TICRR: variants seen among roughly 807,000 people sequenced by gnomAD.
The protein encoded by TICRR is treslin.
In TICRR, 132 loss-of-function variants were observed where a neutral mutation model predicts 178.1. The ratio of observed to expected loss-of-function variants is 0.74; its 90% confidence interval spans 0.64 to 0.86. The LOEUF is 0.86. Among genes scored for constraint, TICRR ranks in the 40% least tolerant of loss-of-function variants. The pLI is 0.00. For synonymous variants in TICRR, 991 were observed against 900.7 expected (o/e 1.10, Z -1.79); for missense variants, 2,587 against 2,334.3 (o/e 1.11, Z -2.23).
chr15:89,582,376 C>A, intron 1 of TICRR: 1 of 239,266 alleles, frequency 4.2e-6, no homozygotes. Flanking sequence ...TTCTATGTTC[C>A]TTCTAACATT....
chr15:89,625,347 A>T lies in TICRR; in HGVS notation c.5037A>T (p.Pro1679=), dbSNP rs756401574. The T allele has an allele frequency of 1.2e-5, 19 of 1,614,008 alleles. No homozygotes were observed. The highest frequency in any genetic ancestry group is 3.3e-4 in the Middle Eastern group (2 of 6,062). The change falls in exon 20 of 22, where the codon CCA becomes CCT. Residue 1679 remains proline, a synonymous_variant. Coordinates refer to ENST00000268138, the MANE Select transcript of TICRR (RefSeq NM_152259.4). ...PSPKHSGKTT[P]DIIKDWPRRK... is the part of the protein sequence containing the mutation. ...CCAAGCACAGTGGGAAGACAACTCC[A>T]GACATAATTAAAGACTGGCCCAGGA...
intron 4 of TICRR, among the ~76,000 whole-genome samples, chr15:89,587,434 G>C (rs967022958): frequency 6.6e-6 from 1 of 152,158 alleles, no homozygotes; most frequent in Non-Finnish European, 1.5e-5. Context: ...CACCATGGGG[G>C]TGGGCGTAGA....
chr15:89,604,394 A>G (rs1963143697), intron 13 of TICRR, among the ~76,000 whole-genome samples: 2 of 152,226 alleles, frequency 1.3e-5, no homozygotes, highest in Non-Finnish European at 2.9e-5. Flanking sequence ...CTTTATTCTC[A>G]CTAGATTTTA....
chr15:89,585,106 A>G (rs1962797426), intron 3 of TICRR, among the ~76,000 whole-genome samples: 1 of 152,218 alleles, frequency 6.6e-6, no homozygotes, highest in African/African-American at 2.4e-5. Flanking sequence ...TCATACTCTC[A>G]GGAGGGGTCT....
In TICRR at chr15:89,592,078, G is replaced by T; in HGVS notation, c.1443G>T (p.Glu481Asp). Reference sequence around the variant, plus strand: ...CTGTTCCAGAGTGGGCCCAGCAGGAGCTTGGCCACACCACTCCCTGGAGTC... The same window carrying T: ...CTGTTCCAGAGTGGGCCCAGCAGGATCTTGGCCACACCACTCCCTGGAGTC... ...ASPVPEWAQQ[E>D]LGHTTPWSPA... The change falls in exon 5 of 22, where the codon GAG (glutamate) becomes GAT (aspartate). Residue 481 changes from glutamate to aspartate, a missense_variant. Coordinates refer to ENST00000268138, the MANE Select transcript of TICRR (RefSeq NM_152259.4). 6.2e-7 allele frequency: 1 copy of T among 1,612,488 alleles called. No individual in the cohort carries two copies. Among genetic ancestry groups the T allele is most frequent in the Non-Finnish European group, 8.5e-7 (1 of 1,178,632 alleles).
At chr15:89,594,376 T>A (rs958251931) in intron 5 of TICRR, 39 bp from the exon 6 acceptor site, 8 of 1,515,000 alleles carry the variant, frequency 5.3e-6, no homozygotes, top group Admixed American at 2.0e-5. Context: ...TTTGCAAAAT[T>A]AGAATGTTGG....
intron 13 of TICRR, 24 bp from the exon 14 acceptor site, chr15:89,606,744 T>C: frequency 6.2e-7 from 1 of 1,610,480 alleles, no homozygotes; most frequent in Non-Finnish European, 8.5e-7. Context: ...TTAAATTTTC[T>C]TTCTGGATTT....
intron 4 of TICRR, among the ~76,000 whole-genome samples, chr15:89,587,705 G>T (rs749770628): frequency 6.6e-6 from 1 of 152,180 alleles, no homozygotes; most frequent in Non-Finnish European, 1.5e-5. Context: ...CCATCACAAC[G>T]TGATGGTTGT....
At chr15:89,601,463 T>C (rs1330278387) in intron 10 of TICRR, 26 bp from the exon 11 acceptor site, 4 of 1,613,542 alleles carry the variant, frequency 2.5e-6, no homozygotes, top group African/African-American at 2.7e-5. Flanking sequence ...GGCATCTATA[T>C]AGTAACGTTC....
chr15:89,579,932 G>C (rs899279408), intron 1 of TICRR: 6 of 152,132 alleles, frequency 3.9e-5, no homozygotes, highest in Admixed American at 2.0e-4. Context: ...CTATTCTGTT[G>C]TAAGCAACAT....
intron 15 of TICRR, among the ~76,000 whole-genome samples, chr15:89,615,911 G>T (rs565684198): frequency 1.3e-5 from 2 of 150,384 alleles, no homozygotes; most frequent in African/African-American, 4.9e-5. Context: ...TTGAGATGGA[G>T]TCTCCCTCTG....
chr15:89,602,886 G>GA lies in TICRR; in HGVS notation c.2664dup (p.Glu889ArgfsTer47). 2 of 1,509,382 alleles carry GA rather than the reference G, an allele frequency of 1.3e-6. No homozygotes were observed. Among genetic ancestry groups the GA allele is most frequent in the Non-Finnish European group, 8.9e-7 (1 of 1,127,900 alleles). 93.5% of individuals were successfully genotyped at this position (1,509,382 alleles called of 1,614,324 possible). The stretch of plus-strand genomic sequence containing the variant: ...TTCCTAAAGTGTCAAAGAGAGCTAC[G>GA]AAAAAAGTAAGTAAACCTTCCAGCT... On this transcript the variant is annotated frameshift_variant, in exon 13 of 22. Coordinates refer to ENST00000268138, the MANE Select transcript of TICRR (RefSeq NM_152259.4). LOFTEE classifies it high-confidence loss of function.
intron 19 of TICRR, among the ~76,000 whole-genome samples, 157 bp from the exon 20 acceptor site, chr15:89,623,466 T>G (rs1289651177): frequency 6.6e-6 from 1 of 152,234 alleles, no homozygotes; most frequent in Non-Finnish European, 1.5e-5. Context: ...TGAGTCATGT[T>G]TTGGAGAGGG....
intron 1 of TICRR, chr15:89,582,101 A>C (rs1466228965): frequency 6.5e-6 from 1 of 152,808 alleles, no homozygotes; most frequent in East Asian, 1.9e-4. Flanking sequence ...AGGCAGGCAG[A>C]TCACTTGAGG....
Position 89,625,411 on chromosome 15 carries a change from G to A in TICRR, c.5101G>A (p.Gly1701Arg), listed in dbSNP as rs200226016. 3.0e-5 allele frequency: 48 copies of A among 1,613,872 alleles called. No homozygotes were observed. Among genetic ancestry groups the A allele is most frequent in the Middle Eastern group, 1.6e-4 (1 of 6,084 alleles). ...AVGCGAGSSS[G>R]RGEVGADLPG... The stretch of plus-strand genomic sequence containing the variant: ...GGGCTGTGGCGCCGGCTCCTCTTCC[G>A]GGAGGGGCGAGGTCGGTGCAGACCT... Residue 1701 changes from glycine to arginine, a missense_variant, in exon 20 of 22, where the codon GGG becomes AGG. Physicochemically the swap from Gly to Arg is moderately radical, Grantham distance 125 (BLOSUM62 -2). Coordinates refer to ENST00000268138, the MANE Select transcript of TICRR (RefSeq NM_152259.4).
intron 5 of TICRR, among the ~76,000 whole-genome samples, chr15:89,594,147 A>G (rs1185124474): frequency 1.3e-5 from 2 of 152,238 alleles, no homozygotes; most frequent in African/African-American, 2.4e-5. Context: ...TTGCATCCTA[A>G]TTCATGAAGA....
chr15:89,583,923 A>T (rs896266374), intron 2 of TICRR, among the ~76,000 whole-genome samples: 1 of 152,270 alleles, frequency 6.6e-6, no homozygotes, highest in African/African-American at 2.4e-5. Context: ...ATGGACCTCA[A>T]GTGATCCTCT....
At chr15:89,617,260 C>T (rs1318395012) in intron 16 of TICRR, among the ~76,000 whole-genome samples, 3 of 152,164 alleles carry the variant, frequency 2.0e-5, no homozygotes, top group Non-Finnish European at 2.9e-5. Context: ...ATGGATTTTA[C>T]ACACTTGTGA....
chr15:89,616,168 A>G (rs946498542), intron 15 of TICRR, among the ~76,000 whole-genome samples: 28 of 152,166 alleles, frequency 1.8e-4, no homozygotes, highest in Admixed American at 1.8e-3. Flanking sequence ...TACAGGCATG[A>G]GCCATTGTGC....
Sources: allele counts gnomAD v4.1 joint callset (sites outside exome capture counted in the v4.1 genomes callset), GRCh38; gene constraint gnomAD v4.1.1; transcripts MANE v1.5; gene names NCBI Gene and HGNC (gene_info 2026-07-23, HGNC 2026-07-21).